DCHS2: variants seen among roughly 807,000 people sequenced by gnomAD.
The protein encoded by DCHS2 is protocadherin-23.
In DCHS2, 142 loss-of-function variants were observed where a neutral mutation model predicts 182.4. That is an observed-to-expected ratio of 0.78 (90% CI 0.68 to 0.89). The LOEUF (loss-of-function observed/expected upper bound fraction) is 0.89. Ranked by LOEUF, DCHS2 falls within the 40% of genes least tolerant of loss-of-function variation. DCHS2 has a pLI of 0.00. For synonymous variants in DCHS2, 1,740 were observed against 1,663.3 expected (o/e 1.05, Z -1.12); for missense variants, 4,319 against 4,198.6 (o/e 1.03, Z -0.79).
rs376359829 is a variant in DCHS2, at chr4:154,382,540, C to T, written c.2053-5096G>A. Among the ~76,000 whole-genome samples, 53 of 152,008 alleles carry T rather than the reference C, an allele frequency of 3.5e-4. No homozygotes were observed. In the East Asian group the frequency reaches 0.01, roughly 29 times the overall value. On this transcript the variant is annotated intron_variant, in intron 1 of 19. Coordinates refer to ENST00000357232, the MANE Select transcript of DCHS2 (RefSeq NM_001358235.2). ...GCTTCTGCACAGTATAAGAAAATCC[C>T]AACAGAGTAAACAGACAACCCCTCA...
At chr4:154,316,622 A>C (rs550938049) in intron 9 of DCHS2, among the ~76,000 whole-genome samples, 1 of 152,156 alleles carries the variant, frequency 6.6e-6, no homozygotes, top group Admixed American at 6.5e-5. Flanking sequence ...ATCTCCTCTA[A>C]AAACACAAAA....
chr4:154,491,436 A>G lies in DCHS2; in HGVS notation c.-81T>C, dbSNP rs1399814485. 6.3e-6 allele frequency: 9 copies of G among 1,436,352 alleles called. No individual in the cohort carries two copies. The highest frequency in any genetic ancestry group is 8.2e-6 in the Non-Finnish European group (9 of 1,097,288). The allele number at this position is 1,436,352 out of a possible 1,614,324, so 89.0% of individuals were successfully genotyped here. A position where few individuals can be genotyped will look rare whatever the true frequency, so the allele number is the denominator to read the frequency against. On this transcript the variant is annotated 5_prime_UTR_variant, in exon 1 of 20. Transcript: ENST00000357232. ...CGCAGAAAAATCCAGGAGCCTCTTC[A>G]GTGTCTGAGCCAGAGAAGAAAAGAC...
chr4:154,301,598 C>T (rs1263487420), intron 12 of DCHS2, among the ~76,000 whole-genome samples: 1 of 152,054 alleles, frequency 6.6e-6, no homozygotes, highest in Non-Finnish European at 1.5e-5. Flanking sequence ...CTCTGCCTAC[C>T]GGGTTCAAGC....
intron 1 of DCHS2, among the ~76,000 whole-genome samples, chr4:154,477,483 TC>T (rs1297366814): frequency 6.6e-6 from 1 of 151,800 alleles, no homozygotes; most frequent in Non-Finnish European, 1.5e-5. Flanking sequence ...TGGGGAAGAG[TC>T]CCTTGAAACA....
intron 1 of DCHS2, chr4:154,384,341 C>A: frequency 6.2e-7 from 1 of 1,605,822 alleles, no homozygotes; most frequent in Non-Finnish European, 8.5e-7. Context: ...TGGCCCTCCT[C>A]CTCATGCACC....
chr4:154,366,383 T>G lies in DCHS2; in HGVS notation c.2303A>C (p.His768Pro), dbSNP rs10017772. ...RVDLEDVNDN[H>P]PVFNPSTYVT... Reference sequence around the variant, plus strand: ...ATAGGTTGATGGGTTAAACACAGGATGATTATCATTCACGTCCTCCAGGTC... The same window carrying G: ...ATAGGTTGATGGGTTAAACACAGGAGGATTATCATTCACGTCCTCCAGGTC... Residue 768 changes from histidine to proline, a missense_variant, in exon 3 of 20, where the codon CAT becomes CCT. By Grantham distance (77) the His-to-Pro change is moderately conservative. Transcript: ENST00000357232. 3 of 1,613,388 alleles carry G rather than the reference T, an allele frequency of 1.9e-6. No homozygotes were observed. Among genetic ancestry groups the G allele is most frequent in the Non-Finnish European group, 8.5e-7 (1 of 1,179,804 alleles).
At chr4:154,275,886 C>T (rs1733833176) in intron 13 of DCHS2, among the ~76,000 whole-genome samples, 2 of 152,086 alleles carry the variant, frequency 1.3e-5, no homozygotes. Flanking sequence ...AGGAACAATC[C>T]TATTTTTGTT....
At chr4:154,366,683 A>G (rs544780720) in intron 2 of DCHS2, among the ~76,000 whole-genome samples, 6 of 152,098 alleles carry the variant, frequency 3.9e-5, no homozygotes, top group African/African-American at 7.2e-5. Flanking sequence ...ACGTCTTTAT[A>G]TTCATTTTAT....
chr4:154,292,671 G>A (rs187679285), intron 13 of DCHS2, among the ~76,000 whole-genome samples: 1 of 152,074 alleles, frequency 6.6e-6, no homozygotes, highest in Non-Finnish European at 1.5e-5. Context: ...TTTCAGACAT[G>A]CCTTCCTTTC....
chr4:154,330,773 T>C (rs1212094868), intron 5 of DCHS2, among the ~76,000 whole-genome samples: 1 of 152,208 alleles, frequency 6.6e-6, no homozygotes, highest in African/African-American at 2.4e-5. Flanking sequence ...ATGATAACTG[T>C]TTACTGTTAA....
intron 1 of DCHS2, among the ~76,000 whole-genome samples, chr4:154,467,351 G>A (rs984562484): frequency 6.6e-6 from 1 of 152,040 alleles, no homozygotes; most frequent in Non-Finnish European, 1.5e-5. Context: ...TGCCAGGCAT[G>A]AAATGATACC....
chr4:154,395,569 A>G (rs1277694268), intron 1 of DCHS2, among the ~76,000 whole-genome samples: 1 of 152,220 alleles, frequency 6.6e-6, no homozygotes, highest in Non-Finnish European at 1.5e-5. Context: ...TGTATCCTTC[A>G]ATGCTAGTTC....
chr4:154,263,002 G>A (rs1733060019), intron 14 of DCHS2, among the ~76,000 whole-genome samples: 1 of 152,124 alleles, frequency 6.6e-6, no homozygotes, highest in African/African-American at 2.4e-5. Flanking sequence ...GGGTAAACTG[G>A]CACAAATTGA....
In DCHS2 at chr4:154,240,525, T is replaced by G. The variant is rs780740263; in HGVS notation, c.7359+12A>C. On this transcript the variant is annotated intron_variant, in intron 18 of 19. Coordinates refer to ENST00000357232, the MANE Select transcript of DCHS2 (RefSeq NM_001358235.2). ...TTTGGCTTTGGTTTCGGCATCTCTT[T>G]AAGCCCTTTACCTGATAGAAATCTT... is the stretch of plus-strand genomic sequence containing the variant. 9.9e-6 allele frequency: 16 copies of G among 1,611,696 alleles called. No homozygotes were observed. The highest frequency in any genetic ancestry group is 3.4e-6 in the Non-Finnish European group (4 of 1,178,486).
intron 1 of DCHS2, among the ~76,000 whole-genome samples, chr4:154,427,638 A>T (rs1157710318): frequency 6.6e-6 from 1 of 152,200 alleles, no homozygotes; most frequent in Non-Finnish European, 1.5e-5. Flanking sequence ...AAAGATGGGA[A>T]AATTTAGTCT....
chr4:154,469,134 G>A (rs1417245927), intron 1 of DCHS2, among the ~76,000 whole-genome samples: 1 of 152,010 alleles, frequency 6.6e-6, no homozygotes, highest in East Asian at 1.9e-4. Context: ...GAGAAACACT[G>A]GAAAGACATA....
At position 154,232,970 on chromosome 4, in the gene DCHS2, T is replaced by C. The variant is rs927796008; in HGVS notation, c.*1566A>G. ...TAGAAAATATCAGCATAGGAAGCTGTAGAATTACTTATCTACAAAACCAGA... is the reference window on the plus strand; with the variant it reads ...TAGAAAATATCAGCATAGGAAGCTGCAGAATTACTTATCTACAAAACCAGA... On this transcript the variant is annotated 3_prime_UTR_variant, in exon 20 of 20. Transcript: ENST00000357232. 1 of 152,176 alleles carries C rather than the reference T, an allele frequency of 6.6e-6. No homozygotes were observed. The highest frequency in any genetic ancestry group is 1.5e-5 in the Non-Finnish European group (1 of 68,016). The allele number at this position is 152,176 out of a possible 1,614,324, so 9.4% of individuals were successfully genotyped here.
chr4:154,313,371 T>C (rs1735740398), intron 10 of DCHS2, among the ~76,000 whole-genome samples: 1 of 152,168 alleles, frequency 6.6e-6, no homozygotes, highest in African/African-American at 2.4e-5. Context: ...CCATAAACAT[T>C]CAGTGCTCAA....
chr4:154,461,844 A>G (rs537881277), intron 1 of DCHS2, among the ~76,000 whole-genome samples: 1 of 152,310 alleles, frequency 6.6e-6, no homozygotes, highest in South Asian at 2.1e-4. Flanking sequence ...GGATTGTCCA[A>G]GGGATAGGTG....
Sources: allele counts gnomAD v4.1 joint callset (sites outside exome capture counted in the v4.1 genomes callset), GRCh38; gene constraint gnomAD v4.1.1; transcripts MANE v1.5; gene names NCBI Gene and HGNC (gene_info 2026-07-23, HGNC 2026-07-21).